DEFB123: variants seen among roughly 807,000 people sequenced by gnomAD.
The protein encoded by DEFB123 is defensin beta 123.
For synonymous variants in DEFB123, 22 were observed against 28.3 expected (o/e 0.78, Z 0.71); for missense variants, 71 against 75.0 (o/e 0.95, Z 0.20).
At position 31,442,627 on chromosome 20, in the gene DEFB123, G is replaced by C. The variant is rs111338354; in HGVS notation, c.58+1871G>C. 1.1e-4 allele frequency among the ~76,000 whole-genome samples: 16 copies of C among 147,106 alleles called. No homozygotes were observed. In the South Asian group the frequency reaches 3.1e-3, roughly 28 times the overall value. On this transcript the variant is annotated intron_variant, in intron 1 of 1. Coordinates refer to ENST00000376309, the MANE Select transcript of DEFB123 (RefSeq NM_153324.4). ...TTTTTTTTTTTTTTTTGGAGACAGGGTCTTGCTCTGTCACCCAGGCTGGAG... is the reference window on the plus strand; with the variant it reads ...TTTTTTTTTTTTTTTTGGAGACAGGCTCTTGCTCTGTCACCCAGGCTGGAG...
At chr20:31,441,037 A>G (rs1979451655) in intron 1 of DEFB123, among the ~76,000 whole-genome samples, 1 of 152,228 alleles carries the variant, frequency 6.6e-6, no homozygotes, top group South Asian at 2.1e-4. Context: ...CAAGAGAAGC[A>G]GGAAAGAGGA....
intron 1 of DEFB123, 138 bp downstream of exon 1, chr20:31,440,894 A>T (rs981046038): frequency 1.0e-5 from 10 of 955,190 alleles, no homozygotes; most frequent in Admixed American, 3.9e-5. Flanking sequence ...CACCAGCAGC[A>T]GGTGCCAGCT....
Position 31,450,204 on chromosome 20 carries a change from C to T in DEFB123, c.*30C>T. 1 of 1,583,508 alleles carries T rather than the reference C, an allele frequency of 6.3e-7. No individual in the cohort carries two copies. The highest frequency in any genetic ancestry group is 8.6e-7 in the Non-Finnish European group (1 of 1,168,018). ...TTTGAAGCCTGAAGCCATGAAAATG[C>T]AGATGAAGCTCCCAGTGGATTCCCA... On this transcript the variant is annotated 3_prime_UTR_variant, in exon 2 of 2. Transcript: ENST00000376309.
chr20:31,442,241 A>G (rs1285035595), intron 1 of DEFB123, among the ~76,000 whole-genome samples: 1 of 152,236 alleles, frequency 6.6e-6, no homozygotes, highest in African/African-American at 2.4e-5. Context: ...TCTCTTTTGA[A>G]TAAGTGTTGA....
intron 1 of DEFB123, among the ~76,000 whole-genome samples, chr20:31,448,175 A>G (rs1979640583): frequency 6.6e-6 from 1 of 151,902 alleles, no homozygotes; most frequent in Admixed American, 6.6e-5. Flanking sequence ...TCAGCCTCCC[A>G]AAGTGCTGGG....
At chr20:31,442,353 C>T (rs187233277) in intron 1 of DEFB123, among the ~76,000 whole-genome samples, 41 of 152,302 alleles carry the variant, frequency 2.7e-4, no homozygotes, top group African/African-American at 9.6e-4. Flanking sequence ...TAATTAATTG[C>T]TTCATTCAGT....
At chr20:31,448,625 C>G (rs1169920530) in intron 1 of DEFB123, among the ~76,000 whole-genome samples, 1 of 152,104 alleles carries the variant, frequency 6.6e-6, no homozygotes, top group Non-Finnish European at 1.5e-5. Context: ...CTTCTTCAGT[C>G]TAACCTACTA....
At chr20:31,445,508 T>C (rs1742873412) in intron 1 of DEFB123, among the ~76,000 whole-genome samples, 1 of 148,778 alleles carries the variant, frequency 6.7e-6, no homozygotes, top group Admixed American at 6.8e-5. Context: ...TAATGATCTA[T>C]TGTCCTATCT....
In DEFB123 at chr20:31,440,765, A is replaced by T. The variant is rs748851349; in HGVS notation, c.58+9A>T. The T allele has an allele frequency of 6.8e-6, 11 of 1,612,958 alleles. No individual in the cohort carries two copies. Among genetic ancestry groups the T allele is most frequent in the Middle Eastern group, 1.6e-4 (1 of 6,084 alleles). On this transcript the variant is annotated intron_variant, in intron 1 of 1. Coordinates refer to ENST00000376309, the MANE Select transcript of DEFB123 (RefSeq NM_153324.4). Reference sequence around the variant, plus strand: ...ATCCCAGCTGACTCCAGGTAACCTGAACCTCCTTAAGGAAGGGGCAGGGCT... The same window carrying T: ...ATCCCAGCTGACTCCAGGTAACCTGTACCTCCTTAAGGAAGGGGCAGGGCT...
chr20:31,450,046 T>G lies in DEFB123; in HGVS notation c.76T>G (p.Trp26Gly). The G allele has an allele frequency of 2.5e-6, 4 of 1,610,994 alleles. No individual in the cohort carries two copies. The highest frequency in any genetic ancestry group is 3.4e-6 in the Non-Finnish European group (4 of 1,178,732). ...TGTGTCAGGTGGCACCCAAAGATGC[T>G]GGAATCTTTATGGCAAATGCCGTTA... ...QLTPGGTQRC[W>G]NLYGKCRYRC... Residue 26 changes from tryptophan (W) to glycine (G), a missense_variant, in exon 2 of 2, where the codon TGG becomes GGG. Physicochemically the swap from Trp to Gly is radical, Grantham distance 184. Transcript: ENST00000376309.
rs765634229 is a variant in DEFB123, at chr20:31,440,710, T to G, written c.12T>G (p.Leu4=). Residue 4 remains leucine (L), a synonymous_variant, in exon 1 of 2, where the codon CTT becomes CTG. Transcript: ENST00000376309. ...GGGCTGCCTTAGCCATGAAGCTCCT[T>G]TTGCTGACTTTGACTGTGCTGCTGC... MKL[L]LLTLTVLLLL... is the part of the protein sequence containing the mutation. The G allele has an allele frequency of 9.3e-6, 15 of 1,613,650 alleles. 1 individual carries two copies. The South Asian group carries it at 1.5e-4, about 17-fold the overall frequency.
intron 1 of DEFB123, among the ~76,000 whole-genome samples, chr20:31,443,621 G>T (rs1979517891): frequency 6.6e-6 from 1 of 152,140 alleles, no homozygotes; most frequent in Non-Finnish European, 1.5e-5. Context: ...TACTTCCTGA[G>T]TGTTCAGGTC....
intron 1 of DEFB123, among the ~76,000 whole-genome samples, chr20:31,442,977 G>A (rs919715335): frequency 2.6e-4 from 39 of 152,268 alleles, no homozygotes; most frequent in Non-Finnish European, 4.0e-4. Flanking sequence ...GTGTGAGCAT[G>A]TGGCTATGGA....
chr20:31,445,067 C>T (rs115280680), intron 1 of DEFB123, among the ~76,000 whole-genome samples: 2,292 of 152,286 alleles, frequency 0.015, 56 homozygotes, highest in African/African-American at 0.052. Context: ...AAACATAAGT[C>T]ATTTGATCTA....
At chr20:31,447,565 C>G (rs941931910) in intron 1 of DEFB123, among the ~76,000 whole-genome samples, 20 of 151,228 alleles carry the variant, frequency 1.3e-4, no homozygotes, top group African/African-American at 3.4e-4. Flanking sequence ...TTAAAGATCT[C>G]TCTCTACCAT....
At chr20:31,444,317 G>A (rs1376724518) in intron 1 of DEFB123, among the ~76,000 whole-genome samples, 6 of 152,052 alleles carry the variant, frequency 3.9e-5, no homozygotes, top group South Asian at 2.1e-4. Context: ...CCCTGAGTTC[G>A]TTCTTTATAA....
At position 31,450,043 on chromosome 20, in the gene DEFB123, T is replaced by C; in HGVS notation, c.73T>C (p.Cys25Arg). Residue 25 changes from cysteine to arginine, a missense_variant, in exon 2 of 2, where the codon TGC becomes CGC. Cys to Arg is a radical substitution (Grantham distance 180). Transcript: ENST00000376309. Reference protein sequence around the residue: ...SQLTPGGTQRCWNLYGKCRYR... With the variant: ...SQLTPGGTQRRWNLYGKCRYR... ...CTTTGTGTCAGGTGGCACCCAAAGA[T>C]GCTGGAATCTTTATGGCAAATGCCG... is the stretch of plus-strand genomic sequence containing the variant. 1 of 1,610,636 alleles carries C rather than the reference T, an allele frequency of 6.2e-7. No individual in the cohort carries two copies.
In DEFB123 at chr20:31,443,288, T is replaced by C. The variant is rs1382695015; in HGVS notation, c.58+2532T>C. ...TGCCTTCTGCACTAGGGGTGTACTCTTGGCAGGTCCCTCACTGGTTTTCCT... is the reference window on the plus strand; with the variant it reads ...TGCCTTCTGCACTAGGGGTGTACTCCTGGCAGGTCCCTCACTGGTTTTCCT... On this transcript the variant is annotated intron_variant, in intron 1 of 1. Transcript: ENST00000376309. 2.6e-5 allele frequency among the ~76,000 whole-genome samples: 4 copies of C among 152,136 alleles called. No individual in the cohort carries two copies. The East Asian group carries it at 7.7e-4, about 29-fold the overall frequency.
At chr20:31,448,751 G>T (rs1979656245) in intron 1 of DEFB123, among the ~76,000 whole-genome samples, 2 of 151,594 alleles carry the variant, frequency 1.3e-5, no homozygotes, top group African/African-American at 2.4e-5. Context: ...CGCTCTTGTT[G>T]CCTAGGCTGA....
Sources: allele counts gnomAD v4.1 joint callset (sites outside exome capture counted in the v4.1 genomes callset), GRCh38; gene constraint gnomAD v4.1.1; transcripts MANE v1.5; gene names NCBI Gene and HGNC (gene_info 2026-07-23, HGNC 2026-07-21).